BTBD8: variants seen among roughly 807,000 people sequenced by gnomAD.
BTBD8 encodes the protein BTB/POZ domain-containing protein 8.
Under a neutral mutation model 162.9 loss-of-function variants are expected in BTBD8, and 110 were observed. The ratio of observed to expected loss-of-function variants is 0.68; its 90% CI spans 0.58 to 0.79. The LOEUF is 0.79. Among genes scored for constraint, BTBD8 ranks in the 30% least tolerant of loss-of-function variants. The pLI, the probability that BTBD8 is intolerant of heterozygous loss-of-function variation, is 0.00. For missense variants in BTBD8, 1,905 were observed against 2,085.4 expected (o/e 0.91, Z 1.68); for synonymous variants, 667 against 716.1 (o/e 0.93, Z 1.10).
rs1259048307 is a variant in BTBD8, at chr1:92,117,705, C to T, written c.662+9704C>T. Among the ~76,000 whole-genome samples the T allele has an allele frequency of 9.9e-5, 15 of 152,002 alleles. 1 individual carries two copies. Among genetic ancestry groups the T allele is most frequent in the Admixed American group, 8.5e-4 (13 of 15,270 alleles). On this transcript the variant is annotated intron_variant, in intron 4 of 17. Coordinates refer to ENST00000636805, the MANE Select transcript of BTBD8 (RefSeq NM_001376131.1). ...CCCTCTTCTATATTACTGCACCTCA[C>T]AAATTTCAGCTGACTCAGCTTCTTG...
At chr1:92,093,288 G>A (rs989204238) in intron 2 of BTBD8, among the ~76,000 whole-genome samples, 2 of 150,828 alleles carry the variant, frequency 1.3e-5, no homozygotes, top group African/African-American at 2.4e-5. Flanking sequence ...CACCTCCCAG[G>A]TTCAAGCAAT....
At chr1:92,150,182 A>G (rs1650014647) in intron 9 of BTBD8, among the ~76,000 whole-genome samples, 1 of 152,252 alleles carries the variant, frequency 6.6e-6, no homozygotes, top group Admixed American at 6.5e-5. Flanking sequence ...ACTATAGACT[A>G]ATGGATATGA....
chr1:92,095,117 A>C (rs1332975559), intron 2 of BTBD8, among the ~76,000 whole-genome samples: 1 of 152,186 alleles, frequency 6.6e-6, no homozygotes, highest in African/African-American at 2.4e-5. Context: ...AGCCAATCCT[A>C]AGTACATGGA....
In BTBD8 at chr1:92,143,980, T is replaced by C. The variant is rs918138756; in HGVS notation, c.930+2769T>C. Among the ~76,000 whole-genome samples the C allele has an allele frequency of 1.2e-3, 165 of 143,280 alleles. 1 individual carries two copies. The highest frequency in any genetic ancestry group is 1.9e-3 in the Non-Finnish European group (122 of 65,218). 94.0% of individuals were successfully genotyped at this position (143,280 alleles called of 152,430 possible). On this transcript the variant is annotated intron_variant, in intron 7 of 17. Transcript: ENST00000636805. ...TTGAACTTTTAGTTCTTTTTTTTTT[T>C]TTTTTTTTTTGAGTTGGAGGCTCCC...
At chr1:92,112,425 G>T (rs1297859132) in intron 4 of BTBD8, among the ~76,000 whole-genome samples, 3 of 151,848 alleles carry the variant, frequency 2.0e-5, no homozygotes, top group Non-Finnish European at 4.4e-5. Flanking sequence ...AATCAAACTA[G>T]GTATCATAGT....
rs751086398 is a variant in BTBD8 at position 92,184,172 on chromosome 1, A to G, written c.5221A>G (p.Lys1741Glu). Residue 1741 changes from lysine (K) to glutamate (E), a missense_variant, in exon 18 of 18, where the codon AAA becomes GAA. Coordinates refer to ENST00000636805, the MANE Select transcript of BTBD8 (RefSeq NM_001376131.1). ...QTLLLARDSS[K>E]PQGITHIDTL... ...ACTACTTTTAGCACGAGATAGCTCA[A>G]AACCTCAGGGTATAACACATATTGA... 6 of 1,551,526 alleles carry G rather than the reference A, an allele frequency of 3.9e-6. No individual in the cohort carries two copies. Among genetic ancestry groups the G allele is most frequent in the Non-Finnish European group, 5.2e-6 (6 of 1,146,892 alleles).
chr1:92,088,634 TA>T, intron 1 of BTBD8, 63 bp from the exon 2 acceptor site: 1 of 1,290,978 alleles, frequency 7.7e-7, no homozygotes, highest in Non-Finnish European at 1.0e-6. Flanking sequence ...ACCTACTTTA[TA>T]AAAATATGTA....
chr1:92,110,476 A>C (rs902165356), intron 4 of BTBD8, among the ~76,000 whole-genome samples: 2 of 152,202 alleles, frequency 1.3e-5, no homozygotes, highest in Admixed American at 6.5e-5. Flanking sequence ...CATGGATTCC[A>C]TTAGTTATGT....
At chr1:92,118,896 G>C (rs1202797039) in intron 4 of BTBD8, among the ~76,000 whole-genome samples, 11 of 84,766 alleles carry the variant, frequency 1.3e-4, no homozygotes, top group Admixed American at 1.2e-3. Context: ...CTCAGTGTGT[G>C]TGTGTCTGTG....
chr1:92,119,387 G>C (rs2101918401), intron 4 of BTBD8, among the ~76,000 whole-genome samples: 1 of 148,260 alleles, frequency 6.7e-6, no homozygotes, highest in African/African-American at 2.5e-5. Context: ...TCTAGCTCCA[G>C]TGATCCTCCC....
chr1:92,156,290 A>G (rs1283669291), intron 9 of BTBD8, among the ~76,000 whole-genome samples: 1 of 152,232 alleles, frequency 6.6e-6, no homozygotes, highest in South Asian at 2.1e-4. Context: ...ATGGTGAATT[A>G]TCTTTATAAT....
intron 9 of BTBD8, among the ~76,000 whole-genome samples, chr1:92,154,255 G>A (rs533065281): frequency 1.3e-5 from 2 of 152,300 alleles, no homozygotes; most frequent in African/African-American, 4.8e-5. Flanking sequence ...TACTTAGCCT[G>A]CAGTAGTCCT....
At chr1:92,148,525 G>C (rs1649978457) in intron 9 of BTBD8, among the ~76,000 whole-genome samples, 3 of 152,156 alleles carry the variant, frequency 2.0e-5, no homozygotes. Context: ...GTGGGGCTGG[G>C]GGCAGTATCC....
chr1:92,169,918 T>A (rs1221806630), intron 12 of BTBD8, among the ~76,000 whole-genome samples: 1 of 152,186 alleles, frequency 6.6e-6, no homozygotes, highest in Non-Finnish European at 1.5e-5. Flanking sequence ...AAACAAAAAT[T>A]ATGAGAAGAA....
rs778129566 is a variant in BTBD8, at chr1:92,147,802, A to G, written c.1122+16A>G. 3 of 1,580,176 alleles carry G rather than the reference A, an allele frequency of 1.9e-6. No homozygotes were observed. Among genetic ancestry groups the G allele is most frequent in the Non-Finnish European group, 2.6e-6 (3 of 1,156,796 alleles). Reference sequence around the variant, plus strand: ...TCAGTCCTTAGTAAGTATAACCTGAATACTCTTTTGTGTGTTTGCCATTAA... The same window carrying G: ...TCAGTCCTTAGTAAGTATAACCTGAGTACTCTTTTGTGTGTTTGCCATTAA... On this transcript the variant is annotated intron_variant, in intron 9 of 17. Coordinates refer to ENST00000636805, the MANE Select transcript of BTBD8 (RefSeq NM_001376131.1).
chr1:92,140,178 T>G (rs1054352215), intron 6 of BTBD8, among the ~76,000 whole-genome samples: 5 of 151,166 alleles, frequency 3.3e-5, no homozygotes, highest in Admixed American at 3.3e-4. Flanking sequence ...TCCCAGCACT[T>G]AGGGAGGCAG....
intron 7 of BTBD8, among the ~76,000 whole-genome samples, chr1:92,141,844 A>T (rs1362143249): frequency 6.6e-6 from 1 of 152,192 alleles, no homozygotes; most frequent in Non-Finnish European, 1.5e-5. Context: ...AAAATTTTCT[A>T]CAAAGAATGT....
chr1:92,137,031 G>A (rs1324223445), intron 5 of BTBD8, among the ~76,000 whole-genome samples: 3 of 152,076 alleles, frequency 2.0e-5, no homozygotes, highest in African/African-American at 4.8e-5. Context: ...AGTGGAGAGG[G>A]GAAAGCATTT....
Position 92,080,355 on chromosome 1 carries a change from C to G in BTBD8, c.-217C>G. On this transcript the variant is annotated 5_prime_UTR_variant, in exon 1 of 18. Coordinates refer to ENST00000636805, the MANE Select transcript of BTBD8 (RefSeq NM_001376131.1). Reference sequence around the variant, plus strand: ...ACGCCTGCGCACGCTCTTCCTGGGTCAAGAGCCGGCTCGGTTCTGGGATTC... The same window carrying G: ...ACGCCTGCGCACGCTCTTCCTGGGTGAAGAGCCGGCTCGGTTCTGGGATTC... The G allele has an allele frequency of 1.6e-6, 1 of 628,382 alleles. No individual in the cohort carries two copies. The allele number at this position is 628,382 out of a possible 1,614,324, so 38.9% of individuals were successfully genotyped here.
Sources: allele counts gnomAD v4.1 joint callset (sites outside exome capture counted in the v4.1 genomes callset), GRCh38; gene constraint gnomAD v4.1.1; transcripts MANE v1.5; gene names NCBI Gene and HGNC (gene_info 2026-07-23, HGNC 2026-07-21).